Variants in SMARCA4 observed in about 807,000 individuals in gnomAD.
The protein encoded by SMARCA4 is SWI/SNF-related matrix-associated actin-dependent regulator of chromatin subfamily A member 4.
Under a neutral mutation model 193.9 loss-of-function variants are expected in SMARCA4, and 31 were observed. The ratio of observed to expected loss-of-function variants is 0.16; its 90% confidence interval spans 0.12 to 0.22. SMARCA4 has a LOEUF of 0.22. Ranked by LOEUF, SMARCA4 falls within the 10% of genes least tolerant of loss-of-function variation. The pLI is 1.00. For missense variants in SMARCA4, 1,148 were observed against 2,296.0 expected, an observed-to-expected ratio of 0.50 and a Z score of 10.22; for synonymous variants, 942 against 933.1, an observed-to-expected ratio of 1.01 and a Z score of -0.17.
chr19:11,034,073 C>T lies in SMARCA4; in HGVS notation c.3874-50C>T, dbSNP rs746834819. On this transcript the variant is annotated intron_variant, in intron 27 of 34. Coordinates refer to ENST00000344626, the MANE Select transcript of SMARCA4 (RefSeq NM_003072.5). The surrounding 1 kb of genome is among the most constrained non-coding windows in gnomAD (Gnocchi z 7.0). ...GCCGCTCGCCTCTGAGCTCGGCCGC[C>T]GCCCACCCCGGCCCCTCCTCAGCGG... 1.1e-5 allele frequency: 16 copies of T among 1,470,954 alleles called. No individual in the cohort carries two copies. Among genetic ancestry groups the T allele is most frequent in the East Asian group, 6.8e-5 (3 of 44,216 alleles). The allele number at this position is 1,470,954 out of a possible 1,614,324, so 91.1% of individuals were successfully genotyped here.
In SMARCA4 at chr19:11,007,922, G is replaced by A. The variant is rs539865173; in HGVS notation, c.2022G>A (p.Pro674=). The part of the protein sequence containing the change: ...EEEEEEEEEQ[P]QAAQPPTLPV... ...GGTAGGAGGAGGAGGAAGAGCAGCC[G>A]CAGGCAGCACAGCCTCCCACCCTGC... The change falls in exon 14 of 35, where the codon CCG becomes CCA. Residue 674 remains proline (P), a synonymous_variant. Coordinates refer to ENST00000344626, the MANE Select transcript of SMARCA4 (RefSeq NM_003072.5). 2.4e-5 allele frequency: 38 copies of A among 1,613,312 alleles called. No individual in the cohort carries two copies. Among genetic ancestry groups the A allele is most frequent in the South Asian group, 1.6e-4 (15 of 91,076 alleles).
chr19:10,989,329 C>A lies in SMARCA4; in HGVS notation c.1131C>A (p.Arg377=), dbSNP rs768602188. ...TCTCTGCTCCCAGGCTGCAGGCTCG[C>A]ATCGCACACCGAATTCAGGAACTTG... ...LQEREYRLQA[R]IAHRIQELEN... The change falls in exon 7 of 35, where the codon CGC becomes CGA. Residue 377 remains arginine (R), a synonymous_variant. Transcript: ENST00000344626. 1 of 1,614,152 alleles carries A rather than the reference C, an allele frequency of 6.2e-7. No individual in the cohort carries two copies. The highest frequency in any genetic ancestry group is 8.5e-7 in the Non-Finnish European group (1 of 1,180,006).
intron 8 of SMARCA4, among the ~76,000 whole-genome samples, chr19:10,991,635 G>A (rs1228167311): frequency 6.6e-6 from 1 of 152,212 alleles, no homozygotes; most frequent in Non-Finnish European, 1.5e-5. Context: ...TCTTTTGGAG[G>A]TGACATCTGG....
At chr19:10,992,465 C>T (rs1220347432) in intron 8 of SMARCA4, among the ~76,000 whole-genome samples, 4 of 148,738 alleles carry the variant, frequency 2.7e-5, no homozygotes, top group East Asian at 2.0e-4. Flanking sequence ...ACTCTTGTCA[C>T]CCGGACTGGA....
At chr19:10,974,666 C>CGTAT (rs1412254818) in intron 1 of SMARCA4, among the ~76,000 whole-genome samples, 2 of 30,458 alleles carry the variant, frequency 6.6e-5, no homozygotes, top group South Asian at 1.4e-3. Flanking sequence ...GATTAACATG[C>CGTAT]ATATATATAT....
In SMARCA4 at chr19:10,978,188, G is replaced by C. The variant is rs113627087; in HGVS notation, c.-31-5933G>C. On this transcript the variant is annotated intron_variant, in intron 1 of 34. Coordinates refer to ENST00000344626, the MANE Select transcript of SMARCA4 (RefSeq NM_003072.5). ...GAGGTGAAGGCAAGCCACAGTCCCC[G>C]CTGGATTTGCAAATATCCCTTCCCT... Among the ~76,000 whole-genome samples the C allele has an allele frequency of 3.7e-3, 559 of 152,296 alleles. 7 individuals are homozygous for C. Among genetic ancestry groups the C allele is most frequent in the African/African-American group, 0.013 (520 of 41,568 alleles).
At chr19:10,981,905 T>C (rs1236133011) in intron 1 of SMARCA4, among the ~76,000 whole-genome samples, 1 of 152,100 alleles carries the variant, frequency 6.6e-6, no homozygotes, top group Non-Finnish European at 1.5e-5. Context: ...GGAGGACGGC[T>C]TGAGCCCCCG....
chr19:11,061,224 T>A (rs1254852920), intron 34 of SMARCA4, among the ~76,000 whole-genome samples: 91 of 135,616 alleles, frequency 6.7e-4, no homozygotes, highest in African/African-American at 2.2e-3. Context: ...TATATATATA[T>A]ATATATATAT....
In SMARCA4 at chr19:11,034,143, C is replaced by T. The variant is rs373041389; in HGVS notation, c.3894C>T (p.Asp1298=). The change falls in exon 28 of 35, where the codon GAC becomes GAT. Residue 1298 remains aspartate (D), a synonymous_variant. Transcript: ENST00000344626. This position sits in a 1 kb window ranked among gnomAD's most constrained non-coding sequence, Gnocchi z 7.0. ...PPLKEEDEVP[D]DETVNQMIAR... ...TATAGGAGGAAGACGAGGTGCCCGACGACGAGACCGTCAACCAGATGATCG... is the reference window on the plus strand; with the variant it reads ...TATAGGAGGAAGACGAGGTGCCCGATGACGAGACCGTCAACCAGATGATCG... 3.7e-5 allele frequency: 60 copies of T among 1,613,590 alleles called. No homozygotes were observed. The highest frequency in any genetic ancestry group is 4.8e-5 in the Non-Finnish European group (57 of 1,179,900).
chr19:11,000,788 G>C (rs754619337), intron 11 of SMARCA4, among the ~76,000 whole-genome samples: 5 of 149,508 alleles, frequency 3.3e-5, no homozygotes, highest in Non-Finnish European at 7.4e-5. Context: ...TGAGGCAGGA[G>C]AATCACTTAA....
intron 30 of SMARCA4, among the ~76,000 whole-genome samples, chr19:11,044,129 G>A (rs1027000341): frequency 2.0e-5 from 3 of 152,132 alleles, no homozygotes; most frequent in South Asian, 2.1e-4. Context: ...GGGAAAGCAC[G>A]GGTGTCTCCA....
intron 1 of SMARCA4, among the ~76,000 whole-genome samples, chr19:10,966,299 T>C (rs975485348): frequency 2.6e-5 from 4 of 152,120 alleles, no homozygotes; most frequent in Non-Finnish European, 5.9e-5. Context: ...TTTAAAAATA[T>C]CAAATGTTCA....
chr19:11,060,255 C>G (rs2147130345), intron 34 of SMARCA4, 68 bp downstream of exon 34: 2 of 1,533,742 alleles, frequency 1.3e-6, no homozygotes, highest in Non-Finnish European at 1.8e-6. Flanking sequence ...CCTGATGGGA[C>G]AGCCCTGTGG....
Position 10,985,500 on chromosome 19 carries a change from G to C in SMARCA4, c.355+95G>C, listed in dbSNP as rs1171499864. The stretch of plus-strand genomic sequence containing the variant: ...TGGGTTCCCACAGGATGGATTCAGG[G>C]AGTACCTAGGATGATGTAGCCGGGT... On this transcript the variant is annotated intron_variant, in intron 3 of 34. Transcript: ENST00000344626. This position sits in a 1 kb window ranked among gnomAD's most constrained non-coding sequence, Gnocchi z 4.5. The C allele has an allele frequency of 6.9e-7, 1 of 1,447,616 alleles. No homozygotes were observed. The highest frequency in any genetic ancestry group is 9.4e-7 in the Non-Finnish European group (1 of 1,058,640). The allele number at this position is 1,447,616 out of a possible 1,614,324, so 89.7% of individuals were successfully genotyped here. A position where few individuals can be genotyped will look rare whatever the true frequency, so the allele number is the denominator to read the frequency against.
chr19:11,045,256 C>T (rs1053354082), intron 30 of SMARCA4, among the ~76,000 whole-genome samples: 1 of 151,990 alleles, frequency 6.6e-6, no homozygotes, highest in African/African-American at 2.4e-5. Flanking sequence ...GGAGGCGGAG[C>T]TTGCAGTGAG....
chr19:11,041,430 G>A lies in SMARCA4; in HGVS notation c.4294G>A (p.Asp1432Asn), dbSNP rs755295556. 22 of 1,612,360 alleles carry A rather than the reference G, an allele frequency of 1.4e-5. No individual in the cohort carries two copies. Among genetic ancestry groups the A allele is most frequent in the African/African-American group, 8.0e-5 (6 of 74,928 alleles). ...CCCGACCACCAGCACCCGCAGCCGC[G>A]ACAAGGACGACGAGAGCAAGAAGCA... ...STPTTSTRSR[D>N]KDDESKKQKK... Residue 1432 changes from aspartate to asparagine, a missense_variant, in exon 30 of 35, where the codon GAC becomes AAC. Physicochemically the swap from Asp to Asn is conservative, Grantham distance 23 (BLOSUM62 1). Transcript: ENST00000344626. The surrounding 1 kb of genome is among the most constrained non-coding windows in gnomAD (Gnocchi z 5.6).
At chr19:11,017,310 A>G (rs987877866) in intron 16 of SMARCA4, among the ~76,000 whole-genome samples, 1 of 151,876 alleles carries the variant, frequency 6.6e-6, no homozygotes, top group Non-Finnish European at 1.5e-5. Flanking sequence ...GTGTGTTCAG[A>G]CCTCCAGATT....
At chr19:10,963,370 CAAAA>C (rs755616481) in intron 1 of SMARCA4, among the ~76,000 whole-genome samples, 2 of 53,132 alleles carry the variant, frequency 3.8e-5, no homozygotes, top group South Asian at 5.6e-4. Context: ...AAGACTGTCT[CAAAA>C]AAAAAAAAAA....
chr19:11,059,331 G>A (rs2076726217), intron 32 of SMARCA4: 5 of 319,876 alleles, frequency 1.6e-5, no homozygotes, highest in Middle Eastern at 1.1e-3. Flanking sequence ...CACATACACA[G>A]CCTCAACTTG....
Sources: gnomAD v4.1 joint callset for allele counts (sites outside exome capture counted in the v4.1 genomes callset) on GRCh38, gnomAD v4.1.1 for gene constraint, Gnocchi (gnomAD v3.1) non-coding constraint, MANE v1.5 for transcripts, NCBI Gene and HGNC (gene_info 2026-07-23, HGNC 2026-07-21) for gene names.